The following ADAMTS17 variants were observed in gnomAD, a reference collection of about 807,000 sequenced individuals.
ADAMTS17 encodes ADAM metallopeptidase with thrombospondin type 1 motif 17, also known as A disintegrin and metalloproteinase with thrombospondin motifs 17.
Under a neutral mutation model 141.5 loss-of-function variants are expected in ADAMTS17, and 113 were observed. The ratio of observed to expected loss-of-function variants is 0.80; its 90% CI spans 0.69 to 0.93. The LOEUF (loss-of-function observed/expected upper bound fraction) is 0.93, where lower values mean the gene tolerates loss of function less well. Ranked by LOEUF, ADAMTS17 falls within the 40% of genes least tolerant of loss-of-function variation. The pLI, the probability that ADAMTS17 is intolerant of heterozygous loss-of-function variation, is 0.00. For missense variants in ADAMTS17, 1,659 were observed against 1,517.9 expected, an observed-to-expected ratio of 1.09 and a Z score of -1.54; for synonymous variants, 768 against 630.6, an observed-to-expected ratio of 1.22 and a Z score of -3.27.
chr15:100,092,907 C>G (rs2035554634), intron 15 of ADAMTS17, among the ~76,000 whole-genome samples: 1 of 152,092 alleles, frequency 6.6e-6, no homozygotes, highest in South Asian at 2.1e-4. Flanking sequence ...TTTTTAGTGC[C>G]AAGGAGCAGG....
At chr15:100,191,170 G>T (rs1305083442) in intron 8 of ADAMTS17, among the ~76,000 whole-genome samples, 1 of 152,176 alleles carries the variant, frequency 6.6e-6, no homozygotes, top group African/African-American at 2.4e-5. Context: ...CACCACCTTG[G>T]ATGACATTAT....
At chr15:100,020,232 G>A (rs1032032278) in intron 18 of ADAMTS17, among the ~76,000 whole-genome samples, 6 of 152,112 alleles carry the variant, frequency 3.9e-5, no homozygotes, top group African/African-American at 1.2e-4. Flanking sequence ...TTCCACCCCC[G>A]CTGCTGCTCC....
intron 7 of ADAMTS17, among the ~76,000 whole-genome samples, chr15:100,250,865 G>GATC (rs2043132779): frequency 1.3e-5 from 2 of 152,082 alleles, no homozygotes; most frequent in African/African-American, 4.8e-5. Flanking sequence ...TTTTGGCAAT[G>GATC]ATCATGACTG....
intron 7 of ADAMTS17, among the ~76,000 whole-genome samples, chr15:100,204,936 C>T (rs189052066): frequency 4.0e-4 from 61 of 152,214 alleles, no homozygotes; most frequent in South Asian, 2.3e-3. Flanking sequence ...TTCTGTGGAC[C>T]GGGAGTCATA....
At position 100,146,581 on chromosome 15, in the gene ADAMTS17, G is replaced by A. The variant is rs150514019; in HGVS notation, c.1473+6031C>T. On this transcript the variant is annotated intron_variant, in intron 10 of 21. Transcript: ENST00000268070. ...GTGTTTGAACAAATATGAAATCTGG[G>A]CACCTTGAAAAAAGAACAGGATAAC... is the stretch of plus-strand genomic sequence containing the variant. Among the ~76,000 whole-genome samples, 523 of 152,258 alleles carry A rather than the reference G, an allele frequency of 3.4e-3. 2 individuals carry two copies. Among genetic ancestry groups the A allele is most frequent in the African/African-American group, 0.012 (486 of 41,546 alleles).
chr15:100,320,337 A>G (rs1215875665), intron 3 of ADAMTS17, among the ~76,000 whole-genome samples: 1 of 152,234 alleles, frequency 6.6e-6, no homozygotes, highest in African/African-American at 2.4e-5. Flanking sequence ...CAAACAGAAT[A>G]AACATGGGAA....
At chr15:100,338,193 C>G (rs777379117) in intron 2 of ADAMTS17, among the ~76,000 whole-genome samples, 13 of 152,174 alleles carry the variant, frequency 8.5e-5, no homozygotes, top group Non-Finnish European at 1.8e-4. Context: ...AGGCCCATGC[C>G]TCTATCTGCT....
At position 100,096,413 on chromosome 15, in the gene ADAMTS17, C is replaced by CGCTGCAGACCCCGCATCTGTCCTCTTTG; in HGVS notation, c.2052_2079dup (p.Gly694GlnfsTer35). 1 of 1,614,168 alleles carries CGCTGCAGACCCCGCATCTGTCCTCTTTG rather than the reference C, an allele frequency of 6.2e-7. No individual in the cohort carries two copies. The highest frequency in any genetic ancestry group is 8.5e-7 in the Non-Finnish European group (1 of 1,180,028). The stretch of plus-strand genomic sequence containing the variant: ...ACCAAGTGGCAGGTCTTGCCGTCCC[C>CGCTGCAGACCCCGCATCTGTCCTCTTTG]GCTGCAGACCCCGCATCTGTCCTCT... On this transcript the variant is annotated frameshift_variant, in exon 15 of 22. Coordinates refer to ENST00000268070, the MANE Select transcript of ADAMTS17 (RefSeq NM_139057.4). LOFTEE classifies it high-confidence loss of function.
chr15:100,025,652 G>A (rs1017457037), intron 18 of ADAMTS17, among the ~76,000 whole-genome samples: 10 of 152,036 alleles, frequency 6.6e-5, no homozygotes, highest in African/African-American at 2.4e-4. Flanking sequence ...GACCTCAGGT[G>A]ATCTGCCAGC....
chr15:100,184,809 C>T (rs2040649135), intron 8 of ADAMTS17, among the ~76,000 whole-genome samples: 1 of 152,052 alleles, frequency 6.6e-6, no homozygotes, highest in South Asian at 2.1e-4. Context: ...CAGCCCCTCT[C>T]TTCTGGGGGC....
intron 3 of ADAMTS17, among the ~76,000 whole-genome samples, chr15:100,283,048 T>C (rs67987737): frequency 0.22 from 33,693 of 152,156 alleles, 4,991 homozygotes; most frequent in African/African-American, 0.42. Flanking sequence ...CAGGTATTAC[T>C]GTATTTTAAA....
intron 7 of ADAMTS17, among the ~76,000 whole-genome samples, chr15:100,234,659 A>G (rs34948511): frequency 2.6e-5 from 4 of 152,058 alleles, no homozygotes; most frequent in African/African-American, 9.7e-5. Flanking sequence ...ATCTCAAAAC[A>G]TATGTTTACC....
At chr15:100,071,588 G>A (rs1197137429) in intron 15 of ADAMTS17, among the ~76,000 whole-genome samples, 1 of 150,426 alleles carries the variant, frequency 6.6e-6, no homozygotes, top group Non-Finnish European at 1.5e-5. Flanking sequence ...TCCCTAGGAT[G>A]CAAGGCTGGT....
At chr15:100,291,632 C>T (rs995262702) in intron 3 of ADAMTS17, among the ~76,000 whole-genome samples, 3 of 152,114 alleles carry the variant, frequency 2.0e-5, no homozygotes, top group Non-Finnish European at 2.9e-5. Context: ...AAATGTGGTA[C>T]ATATACACCA....
intron 3 of ADAMTS17, among the ~76,000 whole-genome samples, 166 bp downstream of exon 3, chr15:100,330,723 A>G (rs1305413821): frequency 6.6e-6 from 1 of 152,184 alleles, no homozygotes; most frequent in African/African-American, 2.4e-5. Flanking sequence ...TGCCGACACT[A>G]AGACACATAG....
intron 18 of ADAMTS17, among the ~76,000 whole-genome samples, chr15:100,006,172 G>T (rs558188911): frequency 5.3e-5 from 8 of 152,206 alleles, no homozygotes; most frequent in Non-Finnish European, 7.4e-5. Flanking sequence ...TTCAATAAAA[G>T]AATTTTGAAG....
rs572706608 is a variant in ADAMTS17, at chr15:100,003,622, G to T, written c.2592-6033C>A. 1.2e-4 allele frequency among the ~76,000 whole-genome samples: 19 copies of T among 152,208 alleles called. 1 individual carries two copies. The highest frequency in any genetic ancestry group is 3.9e-4 in the Admixed American group (6 of 15,298). On this transcript the variant is annotated intron_variant, in intron 18 of 21. Coordinates refer to ENST00000268070, the MANE Select transcript of ADAMTS17 (RefSeq NM_139057.4). ...GCAGCATTATTCACAATAGCCAAAAGGTGGAAACGATGCAAGTGTCCATCA... is the reference window on the plus strand; with the variant it reads ...GCAGCATTATTCACAATAGCCAAAATGTGGAAACGATGCAAGTGTCCATCA...
chr15:100,137,323 T>C (rs1423664471), intron 10 of ADAMTS17, among the ~76,000 whole-genome samples: 1 of 152,212 alleles, frequency 6.6e-6, no homozygotes, highest in African/African-American at 2.4e-5. Flanking sequence ...AGGCTGTCTA[T>C]ATGTACATCA....
chr15:100,102,719 G>C (rs769181721), intron 14 of ADAMTS17, among the ~76,000 whole-genome samples: 1 of 152,160 alleles, frequency 6.6e-6, no homozygotes, highest in South Asian at 2.1e-4. Flanking sequence ...AGAAGGCTGG[G>C]CACCGTCCTC....
Sources: gnomAD v4.1 joint callset for allele counts (sites outside exome capture counted in the v4.1 genomes callset) on GRCh38, gnomAD v4.1.1 for gene constraint, MANE v1.5 for transcripts, NCBI Gene and HGNC (gene_info 2026-07-23, HGNC 2026-07-21) for gene names.